ATP11C: variants seen among roughly 807,000 people sequenced by gnomAD.
ATP11C encodes the protein phospholipid-transporting ATPase IG.
In ATP11C, 36 loss-of-function variants were observed where a neutral mutation model predicts 97.4. That is an observed-to-expected ratio of 0.37 (90% CI 0.28 to 0.49). The LOEUF is 0.49. Among genes scored for constraint, ATP11C ranks in the 20% least tolerant of loss-of-function variants. ATP11C has a pLI of 0.98. For synonymous variants in ATP11C, 275 were observed against 290.9 expected, an observed-to-expected ratio of 0.95 and a Z score of 0.56; for missense variants, 730 against 824.6, an observed-to-expected ratio of 0.89 and a Z score of 1.40.
intron 1 of ATP11C, among the ~76,000 whole-genome samples, chrX:139,898,962 G>A (rs10126751): frequency 0.011 from 1,224 of 111,742 alleles, 17 homozygotes; most frequent in African/African-American, 0.039. Flanking sequence ...AAGTCATGCT[G>A]TTAACATTTA....
At position 139,804,502 on chromosome X, in the gene ATP11C, G is replaced by A; in HGVS notation, c.524C>T (p.Thr175Ile). 1 of 1,206,274 alleles carries A rather than the reference G, an allele frequency of 8.3e-7. No individual in the cohort carries two copies. Among genetic ancestry groups the A allele is most frequent in the Non-Finnish European group, 1.1e-6 (1 of 891,740 alleles). ...ATTGGATTCCCCATCAAGACTGGCT[G>A]TAGTGACATAACAGGTTCCATCAGT... Reference protein sequence around the residue: ...CTTDGTCYVTTASLDGESNCK... With the variant: ...CTTDGTCYVTIASLDGESNCK... The change falls in exon 6 of 30, where the codon ACA (threonine) becomes ATA (isoleucine). Residue 175 changes from threonine to isoleucine, a missense_variant. Thr to Ile is a moderately conservative substitution (Grantham distance 89). Transcript: ENST00000682941.
chrX:139,919,480 C>T (rs1290860517), intron 1 of ATP11C, among the ~76,000 whole-genome samples: 1 of 109,274 alleles, frequency 9.2e-6, no homozygotes, highest in East Asian at 2.9e-4. Context: ...CACACACACA[C>T]ACACACACAC....
intron 1 of ATP11C, among the ~76,000 whole-genome samples, chrX:139,921,903 A>C (rs2085264331): frequency 9.1e-6 from 1 of 110,160 alleles, no homozygotes; most frequent in Admixed American, 9.8e-5. Context: ...TCTCTGCCTT[A>C]CTGTCTCTGC....
At chrX:139,822,477 G>T (rs1172292467) in intron 2 of ATP11C, among the ~76,000 whole-genome samples, 1 of 111,148 alleles carries the variant, frequency 9.0e-6, no homozygotes, top group Non-Finnish European at 1.9e-5. Context: ...GCAGTGGTGT[G>T]ATCTCAGCTC....
chrX:139,858,814 A>G (rs998812910), intron 1 of ATP11C, among the ~76,000 whole-genome samples: 8 of 112,104 alleles, frequency 7.1e-5, no homozygotes, highest in Non-Finnish European at 1.5e-4. Flanking sequence ...TTTTCATAAA[A>G]CAGCTTTATT....
At chrX:139,848,221 G>C (rs1306536950) in intron 1 of ATP11C, among the ~76,000 whole-genome samples, 1 of 111,558 alleles carries the variant, frequency 9.0e-6, no homozygotes, top group African/African-American at 3.3e-5. Context: ...TTTCAAACTT[G>C]TTCTCTATGC....
At chrX:139,853,731 T>C (rs1022425534) in intron 1 of ATP11C, among the ~76,000 whole-genome samples, 1 of 107,420 alleles carries the variant, frequency 9.3e-6, no homozygotes, top group Non-Finnish European at 1.9e-5. Context: ...ATACATTCTA[T>C]CTGTAGCAGC....
chrX:139,851,070 G>A (rs920749688), intron 1 of ATP11C, among the ~76,000 whole-genome samples: 3 of 111,859 alleles, frequency 2.7e-5, no homozygotes, highest in African/African-American at 9.8e-5. Context: ...GAATCACCAA[G>A]ACAATGGAGG....
At chrX:139,887,192 C>A (rs2069940934) in intron 1 of ATP11C, among the ~76,000 whole-genome samples, 1 of 112,065 alleles carries the variant, frequency 8.9e-6, no homozygotes, top group Non-Finnish European at 1.9e-5. Flanking sequence ...TTGCACTATA[C>A]ATAAAAGTCA....
intron 29 of ATP11C, among the ~76,000 whole-genome samples, chrX:139,730,178 G>A (rs2081313161): frequency 9.0e-6 from 1 of 111,492 alleles, no homozygotes; most frequent in Admixed American, 9.6e-5. Flanking sequence ...TACTTCCTCA[G>A]TTCTATGTTA....
Position 139,727,187 on chromosome X carries a change from T to C in ATP11C, c.*1779A>G, listed in dbSNP as rs1017927910. 1.8e-5 allele frequency: 2 copies of C among 112,313 alleles called. No individual in the cohort carries two copies. Among genetic ancestry groups the C allele is most frequent in the East Asian group, 2.8e-4 (1 of 3,582 alleles). 9.3% of individuals were successfully genotyped at this position (112,313 alleles called of 1,213,427 possible). On this transcript the variant is annotated 3_prime_UTR_variant, in exon 30 of 30. Coordinates refer to ENST00000682941, the MANE Select transcript of ATP11C (RefSeq NM_001353812.2). The stretch of plus-strand genomic sequence containing the variant: ...CTCTTGTCTGTATTCACAGTTCCCA[T>C]AGATTTTATGTAAAACAGCAATCAT...
At chrX:139,900,738 C>A (rs1041507253) in intron 1 of ATP11C, among the ~76,000 whole-genome samples, 1 of 112,153 alleles carries the variant, frequency 8.9e-6, no homozygotes, top group Non-Finnish European at 1.9e-5. Context: ...TGGTAAGAAA[C>A]AATGCACTTA....
At chrX:139,833,521 G>A (rs1197474840) in intron 1 of ATP11C, among the ~76,000 whole-genome samples, 1 of 109,094 alleles carries the variant, frequency 9.2e-6, no homozygotes, top group Non-Finnish European at 1.9e-5. Flanking sequence ...CTGTCTCTAC[G>A]AAAAAAAAAT....
intron 2 of ATP11C, among the ~76,000 whole-genome samples, chrX:139,820,494 T>C (rs1483117896): frequency 2.7e-5 from 3 of 111,247 alleles, no homozygotes; most frequent in African/African-American, 9.8e-5. Context: ...TCTGGAGTCT[T>C]GATGATCATA....
At chrX:139,793,743 G>A (rs945070530) in intron 12 of ATP11C, among the ~76,000 whole-genome samples, 4 of 111,614 alleles carry the variant, frequency 3.6e-5, no homozygotes, top group African/African-American at 6.5e-5. Flanking sequence ...CTATATACAT[G>A]GTGACTGTCA....
At chrX:139,811,896 A>G (rs1470923897) in intron 5 of ATP11C, among the ~76,000 whole-genome samples, 1 of 111,756 alleles carries the variant, frequency 8.9e-6, no homozygotes, top group Non-Finnish European at 1.9e-5. Context: ...CCTGGCATAT[A>G]CTACATACCA....
At chrX:139,867,693 G>C (rs1334040411) in intron 1 of ATP11C, among the ~76,000 whole-genome samples, 1 of 112,198 alleles carries the variant, frequency 8.9e-6, no homozygotes, top group Non-Finnish European at 1.9e-5. Flanking sequence ...AACAGGCTAA[G>C]AAGTAAGAGG....
At chrX:139,886,661 T>A (rs1376117247) in intron 1 of ATP11C, among the ~76,000 whole-genome samples, 1 of 106,821 alleles carries the variant, frequency 9.4e-6, no homozygotes, top group Non-Finnish European at 1.9e-5. Flanking sequence ...TCTAACAAAG[T>A]ATTATAAGAT....
chrX:139,761,164 G>A (rs960661935), intron 22 of ATP11C, among the ~76,000 whole-genome samples: 5 of 110,400 alleles, frequency 4.5e-5, no homozygotes, highest in African/African-American at 6.6e-5. Flanking sequence ...TGTGCTACTC[G>A]GGAAGCTGAG....
Sources: gnomAD v4.1 joint callset for allele counts (sites outside exome capture counted in the v4.1 genomes callset) on GRCh38, gnomAD v4.1.1 for gene constraint, MANE v1.5 for transcripts, NCBI Gene and HGNC (gene_info 2026-07-23, HGNC 2026-07-21) for gene names.